Variants in SLCO3A1 observed in about 807,000 individuals in gnomAD.
SLCO3A1 encodes the protein PGE1 transporter.
In SLCO3A1, 27 loss-of-function variants were observed where a neutral mutation model predicts 63.1. The observed-to-expected ratio is 0.43, with a 90% CI of 0.32 to 0.59. The LOEUF (loss-of-function observed/expected upper bound fraction) is 0.59. Among genes scored for constraint, SLCO3A1 ranks in the 20% least tolerant of loss-of-function variants. The pLI is 0.09. For missense variants in SLCO3A1, 773 were observed against 945.8 expected (o/e 0.82, Z 2.40); for synonymous variants, 473 against 409.9 (o/e 1.15, Z -1.86).
intron 2 of SLCO3A1, among the ~76,000 whole-genome samples, chr15:92,060,481 A>T (rs929011935): frequency 6.6e-6 from 1 of 150,770 alleles, no homozygotes; most frequent in Non-Finnish European, 1.5e-5. Context: ...TGAACCTGGG[A>T]GGCAGAGGTT....
chr15:91,998,888 C>G (rs12592320), intron 2 of SLCO3A1, among the ~76,000 whole-genome samples: 1 of 152,212 alleles, frequency 6.6e-6, no homozygotes, highest in Non-Finnish European at 1.5e-5. Flanking sequence ...TGGACTCAGC[C>G]TAGGTGCCCA....
chr15:92,145,818 C>T lies in SLCO3A1; in HGVS notation c.1513-1166C>T, dbSNP rs573268086. Among the ~76,000 whole-genome samples the T allele has an allele frequency of 6.6e-5, 10 of 152,298 alleles. 1 individual carries two copies. The highest frequency in any genetic ancestry group is 5.8e-4 in the East Asian group (3 of 5,170). ...AGGGGAAGGGTGGAGCCCCAGCGTA[C>T]GTCTGCCCCCATTCCTTCCCCCATG... On this transcript the variant is annotated intron_variant, in intron 7 of 9. Coordinates refer to ENST00000318445, the MANE Select transcript of SLCO3A1 (RefSeq NM_013272.4).
rs1018907134 is a variant in SLCO3A1 at position 92,163,272 on chromosome 15, C to T, written c.*137C>T. 6.0e-6 allele frequency: 8 copies of T among 1,339,556 alleles called. No individual in the cohort carries two copies. The highest frequency in any genetic ancestry group is 7.6e-6 in the Non-Finnish European group (8 of 1,051,064). 83.0% of individuals were successfully genotyped at this position (1,339,556 alleles called of 1,614,324 possible). A position where few individuals can be genotyped will look rare whatever the true frequency, so the allele number is the denominator to read the frequency against. On this transcript the variant is annotated 3_prime_UTR_variant, in exon 10 of 10. Coordinates refer to ENST00000318445, the MANE Select transcript of SLCO3A1 (RefSeq NM_013272.4). ...AGATGCACACACACGCAGACAGACA[C>T]ACCGACTTTGTCCTTTTTCTCAGCA...
chr15:92,124,768 TG>T (rs956985374), intron 5 of SLCO3A1, among the ~76,000 whole-genome samples: 3 of 151,988 alleles, frequency 2.0e-5, no homozygotes, highest in African/African-American at 7.2e-5. Flanking sequence ...CTACATAGGG[TG>T]GCCTGGGAAA....
At chr15:91,994,342 A>G (rs796377189) in intron 2 of SLCO3A1, among the ~76,000 whole-genome samples, 24 of 152,258 alleles carry the variant, frequency 1.6e-4, no homozygotes, top group African/African-American at 5.3e-4. Flanking sequence ...TTTTGTAAAA[A>G]TGTTTTACTT....
At chr15:91,998,245 G>C (rs2046214549) in intron 2 of SLCO3A1, among the ~76,000 whole-genome samples, 1 of 152,182 alleles carries the variant, frequency 6.6e-6, no homozygotes, top group African/African-American at 2.4e-5. Context: ...CCTGAGGTCA[G>C]GGGTTCGAGA....
chr15:92,171,957 C>A, exon 11 of SLCO3A1: 1 of 876,164 alleles, frequency 1.1e-6, no homozygotes, highest in Non-Finnish European at 1.9e-6. Context: ...TGTCCGAGAA[C>A]CCGAGGGTCC....
intron 4 of SLCO3A1, among the ~76,000 whole-genome samples, chr15:92,115,531 G>A (rs2047783988): frequency 1.3e-5 from 2 of 152,060 alleles, no homozygotes; most frequent in Admixed American, 6.5e-5. Context: ...CTGTGTGCCA[G>A]AGACACTGGG....
At position 92,147,085 on chromosome 15, in the gene SLCO3A1, T is replaced by G. The variant is rs1315064097; in HGVS notation, c.1614T>G (p.Thr538=). The G allele has an allele frequency of 6.2e-7, 1 of 1,614,186 alleles. No homozygotes were observed. Among genetic ancestry groups the G allele is most frequent in the East Asian group, 2.2e-5 (1 of 44,862 alleles). Residue 538 remains threonine (T), a synonymous_variant, in exon 8 of 10, where the codon ACT becomes ACG. Coordinates refer to ENST00000318445, the MANE Select transcript of SLCO3A1 (RefSeq NM_013272.4). ...CTGGGTGCCAAGAGGCCTTCCTCAC[T>G]TTCCTCTGTGTGATGTGTATCTGCA... The part of the protein sequence containing the change: ...PSPGCQEAFL[T]FLCVMCICSL...
In SLCO3A1 at chr15:91,854,321, C is replaced by G. The variant is rs1359477831; in HGVS notation, c.180+233C>G. The G allele has an allele frequency of 1.4e-5, 14 of 1,033,796 alleles. No individual in the cohort carries two copies. In the African/African-American group the frequency reaches 1.5e-4, roughly 11 times the overall value. 64.0% of individuals were successfully genotyped at this position (1,033,796 alleles called of 1,614,324 possible). A position where few individuals can be genotyped will look rare whatever the true frequency, so the allele number is the denominator to read the frequency against. ...ATGCCGGTAGCAGCTCGCGCGCGTC[C>G]GGCTGGGGCAGGGGGTGCCGGGGGA... On this transcript the variant is annotated intron_variant, in intron 1 of 9. Coordinates refer to ENST00000318445, the MANE Select transcript of SLCO3A1 (RefSeq NM_013272.4). This position sits in a 1 kb window ranked among gnomAD's most constrained non-coding sequence, Gnocchi z 6.4.
chr15:91,913,682 G>A (rs549459302), intron 1 of SLCO3A1, among the ~76,000 whole-genome samples: 5 of 152,274 alleles, frequency 3.3e-5, no homozygotes, highest in East Asian at 3.9e-4. Flanking sequence ...ATAGATACAC[G>A]TATCTGGACA....
chr15:92,169,656 G>T (rs1027576108), downstream of SLCO3A1, among the ~76,000 whole-genome samples: 1 of 152,206 alleles, frequency 6.6e-6, no homozygotes, highest in Admixed American at 6.5e-5. Flanking sequence ...GCTGGTCATC[G>T]GCTCCCCCGG....
rs138994594 is a variant in SLCO3A1, at chr15:92,063,126, A to G, written c.647-31755A>G. Among the ~76,000 whole-genome samples the G allele has an allele frequency of 4.1e-3, 621 of 152,362 alleles. 5 individuals are homozygous for G. Among genetic ancestry groups the G allele is most frequent in the African/African-American group, 0.014 (593 of 41,588 alleles). On this transcript the variant is annotated intron_variant, in intron 2 of 9. Transcript: ENST00000318445. ...AATACTAAGCTCCAGGCTAGAGGGA[A>G]TTTATCCCTTTGGGAACCAGATACG...
At position 92,097,772 on chromosome 15, in the gene SLCO3A1, G is replaced by A. The variant is rs181309948; in HGVS notation, c.745+2793G>A. Reference sequence around the variant, plus strand: ...GTGGCACAGCTCTTTACCGGTAGAGGGCAGAAGAATATCATTTATCCTATT... The same window carrying A: ...GTGGCACAGCTCTTTACCGGTAGAGAGCAGAAGAATATCATTTATCCTATT... On this transcript the variant is annotated intron_variant, in intron 3 of 9. Transcript: ENST00000318445. Among the ~76,000 whole-genome samples, 3 of 152,286 alleles carry A rather than the reference G, an allele frequency of 2.0e-5. No individual in the cohort carries two copies. In the East Asian group the frequency reaches 5.8e-4, roughly 29 times the overall value.
At chr15:92,106,403 C>T (rs973468251) in intron 4 of SLCO3A1, among the ~76,000 whole-genome samples, 2 of 152,112 alleles carry the variant, frequency 1.3e-5, no homozygotes, top group African/African-American at 2.4e-5. Context: ...AGGGTGCCTG[C>T]GACTCCCCTA....
chr15:91,873,563 C>CACACACAT (rs1450416998), intron 1 of SLCO3A1, among the ~76,000 whole-genome samples: 14 of 146,324 alleles, frequency 9.6e-5, no homozygotes, highest in African/African-American at 2.6e-4. Context: ...CACACACACA[C>CACACACAT]ACATACATAC....
chr15:91,936,467 T>C (rs74028382), intron 2 of SLCO3A1, among the ~76,000 whole-genome samples: 2,998 of 152,356 alleles, frequency 0.02, 104 homozygotes, highest in African/African-American at 0.068. Flanking sequence ...CTGTAGATTG[T>C]TGAACATTCC....
At chr15:92,029,627 G>A (rs1431717396) in intron 2 of SLCO3A1, among the ~76,000 whole-genome samples, 1 of 151,366 alleles carries the variant, frequency 6.6e-6, no homozygotes, top group Admixed American at 6.6e-5. Context: ...ACAACCCAGG[G>A]AAAAAGTACA....
rs570139616 is a variant in SLCO3A1, at chr15:91,953,654, G to C, written c.646+37196G>C. ...TGGCTGCCACCCAGGAGTGGGGAAA[G>C]TGAGGTTGGCAGTGGGAATTTCCCA... is the stretch of plus-strand genomic sequence containing the variant. On this transcript the variant is annotated intron_variant, in intron 2 of 9. Coordinates refer to ENST00000318445, the MANE Select transcript of SLCO3A1 (RefSeq NM_013272.4). Among the ~76,000 whole-genome samples, 9 of 152,314 alleles carry C rather than the reference G, an allele frequency of 5.9e-5. 1 individual carries two copies. Among genetic ancestry groups the C allele is most frequent in the South Asian group, 4.1e-4 (2 of 4,826 alleles).
Sources: gnomAD v4.1 joint callset for allele counts (sites outside exome capture counted in the v4.1 genomes callset) on GRCh38, gnomAD v4.1.1 for gene constraint, Gnocchi (gnomAD v3.1) non-coding constraint, MANE v1.5 for transcripts, NCBI Gene and HGNC (gene_info 2026-07-23, HGNC 2026-07-21) for gene names.